The following CELF2 variants were observed in gnomAD, a reference collection of about 807,000 sequenced individuals.
CELF2 encodes CUGBP Elav-like family member 2.
CELF2 carries 8 observed loss-of-function variants against 62.6 expected under a neutral mutation model. The observed-to-expected ratio is 0.13, with a 90% CI of 0.07 to 0.23. The LOEUF is 0.23. Ranked by LOEUF, CELF2 falls within the 10% of genes least tolerant of loss-of-function variation. The probability of loss-of-function intolerance (pLI) is 1.00; values close to 1 mark genes in which losing one functional copy is unlikely to be tolerated. For missense variants in CELF2, 333 were observed against 671.0 expected, an observed-to-expected ratio of 0.50 and a Z score of 5.56; for synonymous variants, 258 against 250.0, an observed-to-expected ratio of 1.03 and a Z score of -0.30.
chr10:11,009,336 T>TGC (rs1422799569), intron 1 of CELF2, among the ~76,000 whole-genome samples: 30 of 101,252 alleles, frequency 3.0e-4, no homozygotes, highest in African/African-American at 1.3e-3. Context: ...TGTGTGTGTG[T>TGC]GCGCGTGTGT....
At chr10:11,257,530 G>T in intron 4 of CELF2, 1 of 531,784 alleles carries the variant, frequency 1.9e-6, no homozygotes, top group Non-Finnish European at 3.4e-6. Context: ...AAGCACACGG[G>T]GAGATGGGTT....
In CELF2 at chr10:11,039,880, T is replaced by C. The variant is rs760519523; in HGVS notation, c.74+21717T>C. On this transcript the variant is annotated intron_variant, in intron 1 of 12. Coordinates refer to ENST00000633077, the MANE Select transcript of CELF2 (RefSeq NM_001326342.2). The surrounding 1 kb of genome is among the most constrained non-coding windows in gnomAD (Gnocchi z 4.1). ...CCAGGTAACATTGGAATGTGGTATG[T>C]GTTGGGGGTGGGATCTTCCTGTTTG... is the stretch of plus-strand genomic sequence containing the variant. Among the ~76,000 whole-genome samples the C allele has an allele frequency of 6.6e-6, 1 of 152,172 alleles. No homozygotes were observed. The highest frequency in any genetic ancestry group is 1.5e-5 in the Non-Finnish European group (1 of 68,016).
In CELF2 at chr10:11,211,638, G is replaced by A. The variant is rs2061796338; in HGVS notation, c.272-5787G>A. On this transcript the variant is annotated intron_variant, in intron 2 of 12. Coordinates refer to ENST00000633077, the MANE Select transcript of CELF2 (RefSeq NM_001326342.2). This position sits in a 1 kb window ranked among gnomAD's most constrained non-coding sequence, Gnocchi z 4.8. ...AAGATTTTCAAGGGAAACAGCTGTG[G>A]TTTGAAAAGGTTTGTGATAATCCAG... 6.6e-6 allele frequency among the ~76,000 whole-genome samples: 1 copy of A among 152,128 alleles called. No individual in the cohort carries two copies. Among genetic ancestry groups the A allele is most frequent in the Non-Finnish European group, 1.5e-5 (1 of 68,028 alleles).
the CELF2 span, among the ~76,000 whole-genome samples, chr10:10,560,124 G>A: frequency 6.6e-6 from 1 of 152,172 alleles, no homozygotes; most frequent in South Asian, 2.1e-4. Flanking sequence ...CCCAAACACA[G>A]GTCAGCTTCC....
Position 10,995,124 on chromosome 10 carries a change from G to A in CELF2, c.89+75125G>A, listed in dbSNP as rs1453597442. Among the ~76,000 whole-genome samples the A allele has an allele frequency of 6.6e-6, 1 of 152,126 alleles. No individual in the cohort carries two copies. The highest frequency in any genetic ancestry group is 1.5e-5 in the Non-Finnish European group (1 of 68,028). On this transcript the variant is annotated intron_variant, in intron 2 of 13. Coordinates refer to the CELF2 transcript ENST00000636488. The surrounding 1 kb of genome is among the most constrained non-coding windows in gnomAD (Gnocchi z 4.7). ...AATTAAGCTGTGTCTTTCTAACTTG[G>A]TTATAAGTTCCTTAAGGGCAGGAGC...
At chr10:11,112,199 C>T (rs1341307394) in intron 1 of CELF2, among the ~76,000 whole-genome samples, 1 of 152,246 alleles carries the variant, frequency 6.6e-6, no homozygotes, top group Non-Finnish European at 1.5e-5. Flanking sequence ...GAATGTCTTT[C>T]AGCAAAGTCC....
Position 11,157,662 on chromosome 10 carries a change from G to T in CELF2, c.75-7824G>T, listed in dbSNP as rs895016702. ...CTCTCACCTTCAAACCTACCACTGT[G>T]CCTGACATAAAGCAGATATTCAGTA... On this transcript the variant is annotated intron_variant, in intron 1 of 12. Transcript: ENST00000633077. This position sits in a 1 kb window ranked among gnomAD's most constrained non-coding sequence, Gnocchi z 4.9. 6.6e-6 allele frequency among the ~76,000 whole-genome samples: 1 copy of T among 152,176 alleles called. No individual in the cohort carries two copies. Among genetic ancestry groups the T allele is most frequent in the Non-Finnish European group, 1.5e-5 (1 of 68,036 alleles).
At chr10:10,981,653 CA>C (rs1200345633) in intron 2 of CELF2, among the ~76,000 whole-genome samples, 9 of 152,208 alleles carry the variant, frequency 5.9e-5, no homozygotes, top group Non-Finnish European at 1.2e-4. Context: ...GGGCTCTGCT[CA>C]TTTTATTCCA....
chr10:10,632,639 A>G, the CELF2 span, among the ~76,000 whole-genome samples: 1 of 152,032 alleles, frequency 6.6e-6, no homozygotes, highest in Middle Eastern at 3.4e-3. Context: ...TCTTCATAAC[A>G]TCTCAAAATC....
chr10:11,035,533 A>C (rs1175889810), intron 1 of CELF2, among the ~76,000 whole-genome samples: 1 of 152,220 alleles, frequency 6.6e-6, no homozygotes, highest in African/African-American at 2.4e-5. Flanking sequence ...TTGTTCTAAC[A>C]CTGCCCTTTG....
the CELF2 span, among the ~76,000 whole-genome samples, chr10:10,694,064 T>C: frequency 1.3e-5 from 2 of 149,602 alleles, no homozygotes; most frequent in Non-Finnish European, 3.0e-5. Flanking sequence ...CTTTTGAATG[T>C]GTTTGCTCTT....
chr10:10,559,055 T>C, the CELF2 span, among the ~76,000 whole-genome samples: 1 of 152,348 alleles, frequency 6.6e-6, no homozygotes, highest in Non-Finnish European at 1.5e-5. Context: ...TAACTATTTC[T>C]TTTAAATGTT....
the CELF2 span, among the ~76,000 whole-genome samples, chr10:10,632,658 G>A: frequency 6.6e-6 from 1 of 152,010 alleles, no homozygotes; most frequent in Non-Finnish European, 1.5e-5. Flanking sequence ...TCTTCTTTTT[G>A]TTTGTCGGTG....
chr10:10,722,724 A>G, the CELF2 span, among the ~76,000 whole-genome samples: 1 of 152,232 alleles, frequency 6.6e-6, no homozygotes, highest in Non-Finnish European at 1.5e-5. Context: ...TTGATTTTCT[A>G]TGACCAGCCA....
intron 2 of CELF2, among the ~76,000 whole-genome samples, chr10:11,190,093 C>A (rs182338053): frequency 4.6e-5 from 7 of 152,216 alleles, no homozygotes; most frequent in African/African-American, 7.2e-5. Context: ...TTTATGTGCA[C>A]CTCTTTGATT....
intron 3 of CELF2, among the ~76,000 whole-genome samples, chr10:11,231,730 G>C (rs59366427): frequency 0.12 from 16,428 of 140,194 alleles, 1,364 homozygotes; most frequent in East Asian, 0.24. Flanking sequence ...GAAACGTTTA[G>C]TCTTTGATAG....
chr10:11,322,058 C>T (rs2095470318), intron 11 of CELF2, among the ~76,000 whole-genome samples: 1 of 152,250 alleles, frequency 6.6e-6, no homozygotes, highest in East Asian at 1.9e-4. Flanking sequence ...TCTCCCAAGT[C>T]AGCACAGACC....
chr10:11,304,149 G>T (rs571572474), intron 9 of CELF2, among the ~76,000 whole-genome samples: 3 of 152,096 alleles, frequency 2.0e-5, no homozygotes, highest in Non-Finnish European at 4.4e-5. Context: ...TAGGGTCAAG[G>T]TGTCAGCAGG....
At chr10:11,257,707 C>A (rs774540986) in intron 4 of CELF2, 31 bp from the exon 5 acceptor site, 2 of 1,608,226 alleles carry the variant, frequency 1.2e-6, no homozygotes, top group Admixed American at 3.3e-5. Flanking sequence ...GATGAAATGG[C>A]CTTTGCTCAT....
Sources: gnomAD v4.1 joint callset for allele counts (sites outside exome capture counted in the v4.1 genomes callset) on GRCh38, gnomAD v4.1.1 for gene constraint, Gnocchi (gnomAD v3.1) non-coding constraint, MANE v1.5 for transcripts, NCBI Gene and HGNC (gene_info 2026-07-23, HGNC 2026-07-21) for gene names.